Variants in PDE1C observed in about 807,000 individuals in gnomAD.
PDE1C encodes the protein dual specificity calcium/calmodulin-dependent 3',5'-cyclic nucleotide phosphodiesterase 1C.
Under a neutral mutation model 93.1 loss-of-function variants are expected in PDE1C, and 62 were observed. That is an observed-to-expected ratio of 0.67 (90% confidence interval 0.54 to 0.82). PDE1C has a LOEUF of 0.82. Ranked by LOEUF, PDE1C falls within the 40% of genes least tolerant of loss-of-function variation. The pLI is 0.00. For missense variants in PDE1C, 742 were observed against 884.6 expected, an observed-to-expected ratio of 0.84 and a Z score of 2.04; for synonymous variants, 325 against 310.1, an observed-to-expected ratio of 1.05 and a Z score of -0.50.
At chr7:32,404,328 C>A (rs1785009438) in intron 1 of PDE1C, among the ~76,000 whole-genome samples, 1 of 152,154 alleles carries the variant, frequency 6.6e-6, no homozygotes, top group Non-Finnish European at 1.5e-5. Flanking sequence ...TTAATTTCTA[C>A]TACTTTTCTG....
At chr7:32,098,504 T>C (rs977822237) in intron 3 of PDE1C, among the ~76,000 whole-genome samples, 6 of 152,198 alleles carry the variant, frequency 3.9e-5, no homozygotes, top group Non-Finnish European at 8.8e-5. Context: ...TTTTTTTCTT[T>C]GGTTCTTGCA....
chr7:31,678,666 T>C, the PDE1C span, among the ~76,000 whole-genome samples: 1 of 152,194 alleles, frequency 6.6e-6, no homozygotes, highest in Admixed American at 6.5e-5. Flanking sequence ...TTATTACTAT[T>C]CCTATTTCAT....
intron 2 of PDE1C, among the ~76,000 whole-genome samples, chr7:31,924,561 A>T (rs1036889609): frequency 8.7e-6 from 1 of 114,416 alleles, no homozygotes; most frequent in Non-Finnish European, 2.0e-5. Context: ...CAACCAATCA[A>T]TGAAAGCTAC....
At chr7:32,012,974 C>A (rs936797783) in intron 2 of PDE1C, among the ~76,000 whole-genome samples, 5 of 152,136 alleles carry the variant, frequency 3.3e-5, no homozygotes, top group Non-Finnish European at 7.4e-5. Flanking sequence ...AAAAGATAAT[C>A]AACTGTAGCT....
chr7:32,012,248 C>T (rs187111162), intron 2 of PDE1C, among the ~76,000 whole-genome samples: 1 of 152,202 alleles, frequency 6.6e-6, no homozygotes, highest in African/African-American at 2.4e-5. Flanking sequence ...AGGAAGTTTA[C>T]AATCATGGCA....
intron 1 of PDE1C, among the ~76,000 whole-genome samples, chr7:32,332,820 T>C (rs1783541336): frequency 6.6e-6 from 1 of 152,056 alleles, no homozygotes; most frequent in Non-Finnish European, 1.5e-5. Flanking sequence ...TACAGTAAGC[T>C]CAAAAACAGG....
intron 16 of PDE1C, among the ~76,000 whole-genome samples, chr7:31,804,478 A>G (rs1410034961): frequency 6.6e-6 from 1 of 151,598 alleles, no homozygotes; most frequent in Non-Finnish European, 1.5e-5. Context: ...CACAGAGGAT[A>G]TTTTCTAAGA....
At chr7:32,284,861 T>A (rs949262717) in intron 1 of PDE1C, among the ~76,000 whole-genome samples, 1 of 151,782 alleles carries the variant, frequency 6.6e-6, no homozygotes, top group Non-Finnish European at 1.5e-5. Context: ...GTGAAACCCG[T>A]CTCTACAAAA....
chr7:32,056,643 A>G (rs1385764689), intron 1 of PDE1C, among the ~76,000 whole-genome samples: 1 of 152,130 alleles, frequency 6.6e-6, no homozygotes, highest in Non-Finnish European at 1.5e-5. Flanking sequence ...ACTGCAGGGC[A>G]TTTAGCATAG....
Position 31,873,371 on chromosome 7 carries a change from T to C in PDE1C, c.530A>G (p.Asn177Ser), listed in dbSNP as rs1483775511. 4 of 1,613,654 alleles carry C rather than the reference T, an allele frequency of 2.5e-6. No individual in the cohort carries two copies. The highest frequency in any genetic ancestry group is 3.4e-6 in the Non-Finnish European group (4 of 1,179,670). Residue 177 changes from asparagine (N) to serine (S), a missense_variant, in exon 6 of 18, where the codon AAT becomes AGT. Physicochemically the swap from Asn to Ser is conservative, Grantham distance 46 (BLOSUM62 1). This residue lies in a region of PDE1C where 205 missense variants were observed against 295.3 expected (regional missense o/e 0.69). Transcript: ENST00000396191. ...DKWSFDVFSL[N>S]EASGDHALKF... ...CAGTGCATGATCCCCACTGGCCTCA[T>C]TGAGGGAAAAGACGTCAAAGGACCA...
chr7:31,795,397 T>C (rs1785163160), intron 16 of PDE1C, among the ~76,000 whole-genome samples: 1 of 151,886 alleles, frequency 6.6e-6, no homozygotes, highest in African/African-American at 2.4e-5. Context: ...AGAAGCTTTA[T>C]TTTAAACATC....
chr7:31,680,197 T>C, the PDE1C span, among the ~76,000 whole-genome samples: 3 of 152,244 alleles, frequency 2.0e-5, no homozygotes, highest in African/African-American at 7.2e-5. Flanking sequence ...GCTCCCTTGC[T>C]GTTCGGCTGA....
intron 7 of PDE1C, among the ~76,000 whole-genome samples, chr7:31,855,651 TTAA>T (rs920269041): frequency 2.0e-5 from 3 of 149,428 alleles, no homozygotes; most frequent in African/African-American, 7.4e-5. Context: ...TATTAATATG[TTAA>T]TAATATGACA....
the PDE1C span, among the ~76,000 whole-genome samples, chr7:31,640,875 C>G: frequency 6.6e-6 from 1 of 152,160 alleles, no homozygotes; most frequent in Non-Finnish European, 1.5e-5. Context: ...TAGGATTGAG[C>G]TATTTTAAAA....
At chr7:32,222,219 C>A (rs1002134243) in intron 1 of PDE1C, among the ~76,000 whole-genome samples, 3 of 152,208 alleles carry the variant, frequency 2.0e-5, no homozygotes, top group African/African-American at 7.2e-5. Flanking sequence ...TGTCCAGGAG[C>A]ATAAATCATC....
chr7:31,639,531 T>C, the PDE1C span, among the ~76,000 whole-genome samples: 1 of 23,882 alleles, frequency 4.2e-5, no homozygotes, highest in Non-Finnish European at 6.3e-5. Flanking sequence ...TTTGTTTGTT[T>C]GTTTTTGTTT....
intron 12 of PDE1C, 65 bp downstream of exon 12, chr7:31,828,227 A>G: frequency 7.7e-7 from 1 of 1,297,854 alleles, no homozygotes; most frequent in South Asian, 1.2e-5. Context: ...CACTGGGATC[A>G]TCTGTGCTTA....
At chr7:31,695,594 G>A in the PDE1C span, 117 of 1,613,692 alleles carry the variant, frequency 7.3e-5, no homozygotes, top group African/African-American at 1.3e-3. Flanking sequence ...AGATACACCG[G>A]CGCTGCACAT....
At chr7:32,021,919 A>G (rs1046827452) in intron 2 of PDE1C, among the ~76,000 whole-genome samples, 1 of 152,128 alleles carries the variant, frequency 6.6e-6, no homozygotes, top group Non-Finnish European at 1.5e-5. Flanking sequence ...AATTTTTGTA[A>G]AATTCCTCTA....
Sources: gnomAD v4.1 joint callset for allele counts (sites outside exome capture counted in the v4.1 genomes callset) on GRCh38, gnomAD v4.1.1 for gene constraint, gnomAD v4.1.1 regional missense constraint, MANE v1.5 for transcripts, NCBI Gene and HGNC (gene_info 2026-07-23, HGNC 2026-07-21) for gene names.